CPVL: variants seen among roughly 807,000 people sequenced by gnomAD.
CPVL encodes the protein carboxypeptidase vitellogenic like, also known as probable serine carboxypeptidase CPVL.
A neutral mutation model predicts 63.7 loss-of-function variants in CPVL; 51 were observed. The observed-to-expected ratio is 0.80, with a 90% CI of 0.64 to 1.01. The LOEUF (loss-of-function observed/expected upper bound fraction) is 1.01. Among genes scored for constraint, CPVL ranks in the 50% least tolerant of loss-of-function variants. The pLI, the probability that CPVL is intolerant of heterozygous loss-of-function variation, is 0.00. For missense variants in CPVL, 530 were observed against 573.1 expected, an observed-to-expected ratio of 0.92 and a Z score of 0.77; for synonymous variants, 195 against 206.0, an observed-to-expected ratio of 0.95 and a Z score of 0.46.
intron 11 of CPVL, among the ~76,000 whole-genome samples, chr7:29,039,817 G>A (rs1349196793): frequency 2.6e-5 from 4 of 152,226 alleles, no homozygotes; most frequent in Admixed American, 2.6e-4. Context: ...GTGCTTTTGT[G>A]AGAAGGATGG....
At chr7:29,160,049 T>C (rs1794966779) in intron 5 of CPVL, among the ~76,000 whole-genome samples, 1 of 152,216 alleles carries the variant, frequency 6.6e-6, no homozygotes, top group Admixed American at 6.5e-5. Flanking sequence ...TCTTCATTAT[T>C]ATCTTGCCTC....
At chr7:29,128,574 G>A (rs1790323776) in intron 1 of CPVL, among the ~76,000 whole-genome samples, 1 of 151,946 alleles carries the variant, frequency 6.6e-6, no homozygotes, top group South Asian at 2.1e-4. Flanking sequence ...AAATTAGCCA[G>A]GCATGGTGGC....
intron 4 of CPVL, among the ~76,000 whole-genome samples, chr7:29,184,104 C>G (rs1798405697): frequency 6.6e-6 from 1 of 150,796 alleles, no homozygotes; most frequent in Non-Finnish European, 1.5e-5. Flanking sequence ...GATCCAATCT[C>G]CCATGGATAC....
At chr7:29,031,982 T>C (rs893052281) in intron 11 of CPVL, among the ~76,000 whole-genome samples, 2 of 152,128 alleles carry the variant, frequency 1.3e-5, no homozygotes, top group African/African-American at 4.8e-5. Context: ...ATCTGAGTAA[T>C]ATACTCTCCT....
intron 1 of CPVL, chr7:29,127,313 T>C (rs917242280): frequency 2.0e-4 from 31 of 152,206 alleles, no homozygotes; most frequent in Admixed American, 1.6e-3. Context: ...GGCACCATCA[T>C]GATAATGATA....
chr7:29,130,561 G>A (rs1448476710), intron 1 of CPVL, among the ~76,000 whole-genome samples: 1 of 152,098 alleles, frequency 6.6e-6, no homozygotes, highest in Non-Finnish European at 1.5e-5. Flanking sequence ...ACTATTCTTA[G>A]ACAAGCCCTA....
chr7:29,032,204 G>A (rs1284923131), intron 11 of CPVL, among the ~76,000 whole-genome samples: 5 of 151,916 alleles, frequency 3.3e-5, no homozygotes, highest in South Asian at 2.1e-4. Flanking sequence ...TTCCCTTTAC[G>A]GTGCGGGTTC....
chr7:29,018,290 G>A lies in CPVL; in HGVS notation c.1320+12287C>T, dbSNP rs545021946. 1.9e-3 allele frequency among the ~76,000 whole-genome samples: 280 copies of A among 149,876 alleles called. 1 individual carries two copies. Among genetic ancestry groups the A allele is most frequent in the Non-Finnish European group, 3.8e-3 (256 of 67,710 alleles). ...AAACAGAAGTGTTTTCTTTCTCCAG[G>A]ACATTCAGCTTAATGACATTTATTC... On this transcript the variant is annotated intron_variant, in intron 12 of 12. Transcript: ENST00000265394.
rs147868535 is a variant in CPVL at position 29,092,581 on chromosome 7, G to A, written c.542+42C>T. ...AATTTTCCTATTGAGATAGAAAAAT[G>A]TTTGGTCTTAGGAAAGCCAAGAGAA... On this transcript the variant is annotated intron_variant, in intron 6 of 12. Coordinates refer to ENST00000265394, the MANE Select transcript of CPVL (RefSeq NM_031311.5). The A allele has an allele frequency of 8.8e-4, 1,219 of 1,383,448 alleles. 17 individuals carry two copies. In the East Asian group the frequency reaches 0.022, roughly 25 times the overall value. 85.7% of individuals were successfully genotyped at this position (1,383,448 alleles called of 1,614,324 possible).
intron 1 of CPVL, among the ~76,000 whole-genome samples, chr7:29,121,607 C>G (rs557837874): frequency 2.0e-5 from 3 of 151,920 alleles, no homozygotes; most frequent in Non-Finnish European, 4.4e-5. Context: ...CATTTCAGGC[C>G]GAAAGATCAC....
At chr7:29,084,816 G>T (rs952544475) in intron 7 of CPVL, among the ~76,000 whole-genome samples, 1 of 152,098 alleles carries the variant, frequency 6.6e-6, no homozygotes, top group Non-Finnish European at 1.5e-5. Context: ...ACAATTTAAG[G>T]ATAAAAATCA....
Position 29,068,755 on chromosome 7 carries a change from C to T in CPVL, c.865-2634G>A, listed in dbSNP as rs1484302870. Among the ~76,000 whole-genome samples the T allele has an allele frequency of 7.6e-5, 11 of 145,410 alleles. No individual in the cohort carries two copies. In the South Asian group the frequency reaches 1.5e-3, roughly 20 times the overall value. On this transcript the variant is annotated intron_variant, in intron 9 of 12. Transcript: ENST00000265394. Reference sequence around the variant, plus strand: ...TGTCACCCAGGCTGGAGTGCAGTGGCGCGATCTTGGCTCACTGCAAGCTCC... The same window carrying T: ...TGTCACCCAGGCTGGAGTGCAGTGGTGCGATCTTGGCTCACTGCAAGCTCC...
intron 12 of CPVL, chr7:29,010,754 C>T (rs1785741293): frequency 6.6e-6 from 1 of 152,176 alleles, no homozygotes. Flanking sequence ...TCCCTAATGG[C>T]AATAGAAACC....
chr7:29,115,632 C>A (rs1259843289), intron 2 of CPVL, among the ~76,000 whole-genome samples: 1 of 64,804 alleles, frequency 1.5e-5, no homozygotes, highest in Non-Finnish European at 2.6e-5. Flanking sequence ...GATACCACCC[C>A]CTGCCTCCCA....
intron 3 of CPVL, among the ~76,000 whole-genome samples, chr7:29,099,583 A>G (rs879524148): frequency 6.6e-6 from 1 of 152,148 alleles, no homozygotes; most frequent in Non-Finnish European, 1.5e-5. Flanking sequence ...ATGGTGGCAG[A>G]TGCCTGTAAT....
rs56102038 is a variant in CPVL, at chr7:29,184,151, T to TGATAGATAGATA, written c.-134+258_-134+269dup. Among the ~76,000 whole-genome samples, 1,076 of 143,380 alleles carry TGATAGATAGATA rather than the reference T, an allele frequency of 7.5e-3. 9 individuals are homozygous for TGATAGATAGATA. The highest frequency in any genetic ancestry group is 8.3e-3 in the South Asian group (36 of 4,356). 94.1% of individuals were successfully genotyped at this position (143,380 alleles called of 152,430 possible). The stretch of plus-strand genomic sequence containing the variant: ...TAACTGTACAGAAGATACAGATAGA[T>TGATAGATAGATA]GATAGATAGATAGATAGATAGATAG... On this transcript the variant is annotated intron_variant, in intron 4 of 16. Coordinates refer to the CPVL transcript ENST00000409850.
Position 29,170,251 on chromosome 7 carries a change from T to C in CPVL, c.-11+11039A>G, listed in dbSNP as rs771557007. ...TGGTGATACTGATGAAACTCTTCTT[T>C]TGTTTTAATATCTGACAAATTTCTT... On this transcript the variant is annotated intron_variant, in intron 5 of 16. Coordinates refer to the CPVL transcript ENST00000409850. Among the ~76,000 whole-genome samples, 50 of 152,252 alleles carry C rather than the reference T, an allele frequency of 3.3e-4. 1 individual carries two copies. The highest frequency in any genetic ancestry group is 6.2e-4 in the Non-Finnish European group (42 of 67,996).
At chr7:29,073,939 T>C (rs967020718) in intron 7 of CPVL, among the ~76,000 whole-genome samples, 5 of 152,226 alleles carry the variant, frequency 3.3e-5, no homozygotes, top group East Asian at 1.9e-4. Context: ...AGAGACATTA[T>C]GTGGATACCT....
At chr7:29,083,604 T>C (rs1784943056) in intron 7 of CPVL, among the ~76,000 whole-genome samples, 1 of 152,144 alleles carries the variant, frequency 6.6e-6, no homozygotes, top group African/African-American at 2.4e-5. Context: ...AGAACTTGCC[T>C]GAGAATGAAA....
Sources: allele counts gnomAD v4.1 joint callset (sites outside exome capture counted in the v4.1 genomes callset), GRCh38; gene constraint gnomAD v4.1.1; transcripts MANE v1.5; gene names NCBI Gene and HGNC (gene_info 2026-07-23, HGNC 2026-07-21).